Variants in PTP4A2 observed in about 807,000 individuals in gnomAD.
PTP4A2 encodes protein tyrosine phosphatase type IVA 2.
Under a neutral mutation model 22.9 loss-of-function variants are expected in PTP4A2, and 2 were observed. The observed-to-expected ratio is 0.09, with a 90% confidence interval of 0.04 to 0.27. PTP4A2 has a LOEUF of 0.27. PTP4A2 is among the 10% of genes least tolerant of loss of function. The pLI is 1.00. For missense variants in PTP4A2, 103 were observed against 205.1 expected, an observed-to-expected ratio of 0.50 and a Z score of 3.04; for synonymous variants, 68 against 69.1, an observed-to-expected ratio of 0.98 and a Z score of 0.08.
At chr1:31,917,697 C>T (rs1252648480) in intron 2 of PTP4A2, among the ~76,000 whole-genome samples, 1 of 152,184 alleles carries the variant, frequency 6.6e-6, no homozygotes. Flanking sequence ...ATGTTCTGGT[C>T]AGGCACAGTG....
At chr1:31,913,721 C>A in intron 3 of PTP4A2, 1 of 439,682 alleles carries the variant, frequency 2.3e-6, no homozygotes, top group Non-Finnish European at 4.5e-6. Context: ...AATCTTAGGC[C>A]TACCATTATC....
chr1:31,930,498 C>T (rs187970497), intron 1 of PTP4A2, among the ~76,000 whole-genome samples: 20 of 152,290 alleles, frequency 1.3e-4, no homozygotes, highest in African/African-American at 4.6e-4. Flanking sequence ...ATGGACAAGA[C>T]ACAGAATAAA....
At chr1:31,921,182 T>C (rs1652137532) in intron 1 of PTP4A2, among the ~76,000 whole-genome samples, 2 of 152,176 alleles carry the variant, frequency 1.3e-5, no homozygotes, top group Non-Finnish European at 2.9e-5. Context: ...CCCCTTTTCC[T>C]CACAAGTCTT....
intron 1 of PTP4A2, among the ~76,000 whole-genome samples, chr1:31,928,475 G>T (rs1476394410): frequency 6.6e-6 from 1 of 151,434 alleles, no homozygotes; most frequent in South Asian, 2.1e-4. Context: ...CAAGATGGGC[G>T]GATCACCTGA....
At position 31,908,993 on chromosome 1, in the gene PTP4A2, T is replaced by TA. The variant is rs750294219; in HGVS notation, c.396-34dup. 1.3e-5 allele frequency: 19 copies of TA among 1,470,222 alleles called. No individual in the cohort carries two copies. In the Admixed American group the frequency reaches 1.4e-4, roughly 11 times the overall value. 91.1% of individuals were successfully genotyped at this position (1,470,222 alleles called of 1,614,324 possible). A position where few individuals can be genotyped will look rare whatever the true frequency, so the allele number is the denominator to read the frequency against. ...TACAAGAATGGCAAACTTTATCATG[T>TA]AAAAAAAGAGCTGTCTGATTCACTG... On this transcript the variant is annotated intron_variant, in intron 5 of 5. Transcript: ENST00000647444.
intron 1 of PTP4A2, among the ~76,000 whole-genome samples, chr1:31,922,596 TTCTTTCTTTC>T: frequency 1.3e-5 from 1 of 79,226 alleles, no homozygotes; most frequent in East Asian, 5.6e-4. Flanking sequence ...GTTTCTTTCT[TTCTTTCTTTC>T]TTTCTTTCTT....
intron 1 of PTP4A2, among the ~76,000 whole-genome samples, chr1:31,927,977 G>T (rs10914505): frequency 0.25 from 38,314 of 151,290 alleles, 6,517 homozygotes; most frequent in African/African-American, 0.47. Flanking sequence ...TAGTAAACAC[G>T]CATCTTCTGA....
In PTP4A2 at chr1:31,908,954, T is replaced by C; in HGVS notation, c.402A>G (p.Arg134=). 1.2e-6 allele frequency: 2 copies of C among 1,611,398 alleles called. No homozygotes were observed. Among genetic ancestry groups the C allele is most frequent in the Non-Finnish European group, 1.7e-6 (2 of 1,177,978 alleles). ...EDAVQFIRQK[R]RGAFNSKQLL... ...GCTGTTTGGAATTGAACGCTCCCCT[T>C]CTTTTTCTGAAAATACAAGAATGGC... Residue 134 remains arginine, a synonymous_variant, in exon 6 of 6, where the codon AGA becomes AGG. Coordinates refer to ENST00000647444, the MANE Select transcript of PTP4A2 (RefSeq NM_080391.4).
At chr1:31,910,228 A>C (rs1470213361) in intron 4 of PTP4A2, 116 bp from the exon 5 acceptor site, 3 of 708,906 alleles carry the variant, frequency 4.2e-6, no homozygotes, top group Non-Finnish European at 2.4e-6. Flanking sequence ...CCTGTATACT[A>C]AAGTAGCTGG....
intron 1 of PTP4A2, among the ~76,000 whole-genome samples, chr1:31,920,817 C>T (rs536631389): frequency 1.7e-4 from 26 of 152,174 alleles, no homozygotes; most frequent in African/African-American, 2.4e-4. Context: ...GGATTACAGG[C>T]GTGAACTACT....
chr1:31,937,377 A>G (rs1652981512), intron 1 of PTP4A2, among the ~76,000 whole-genome samples: 1 of 151,890 alleles, frequency 6.6e-6, no homozygotes, highest in African/African-American at 2.4e-5. Flanking sequence ...ATGCTCCCGG[A>G]AAGAACTCCC....
At position 31,908,133 on chromosome 1, in the gene PTP4A2, TATTATATTATATATATA is replaced by T. The variant is rs1651290462; in HGVS notation, c.*702_*718del. ...TGGAAAATATATATATATATATATA[TATTATATTATATATATA>T]TATATATATATATATATATATATAT... On this transcript the variant is annotated 3_prime_UTR_variant, in exon 6 of 6. Coordinates refer to ENST00000647444, the MANE Select transcript of PTP4A2 (RefSeq NM_080391.4). 5.7e-3 allele frequency: 2 copies of T among 348 alleles called. No individual in the cohort carries two copies. Among genetic ancestry groups the T allele is most frequent in the Non-Finnish European group, 0.011 (2 of 182 alleles). 0.0% of individuals were successfully genotyped at this position (348 alleles called of 1,614,324 possible).
Position 31,908,876 on chromosome 1 carries a change from G to A in PTP4A2, c.480C>T (p.Thr160=), listed in dbSNP as rs1235488470. The A allele has an allele frequency of 6.2e-7, 1 of 1,613,122 alleles. No homozygotes were observed. The highest frequency in any genetic ancestry group is 1.1e-5 in the South Asian group (1 of 91,048). ...RPKMRLRFRD[T]NGHCCVQ ...TCTACTGAACACAGCAATGCCCATT[G>A]GTATCTCTGAAGCGTAATCGCATCT... The change falls in exon 6 of 6, where the codon ACC becomes ACT. Residue 160 remains threonine, a synonymous_variant. Transcript: ENST00000647444.
rs147795845 is a variant in PTP4A2 at position 31,911,797 on chromosome 1, G to C, written c.219C>G (p.Pro73=). 1.3e-6 allele frequency: 2 copies of C among 1,585,378 alleles called. No individual in the cohort carries two copies. The highest frequency in any genetic ancestry group is 1.9e-5 in the Admixed American group (1 of 51,686). ...ACCAATCATCTACTATCTGATTAGG[G>C]GGTGGAGCTCCATCATCAAATGGCC... ...LDWPFDDGAP[P]PNQIVDDWLN... The change falls in exon 4 of 6, where the codon CCC becomes CCG. Residue 73 remains proline (P), a synonymous_variant. Transcript: ENST00000647444.
chr1:31,919,767 C>T (rs992063943), intron 1 of PTP4A2, 109 bp from the exon 2 acceptor site: 3 of 152,272 alleles, frequency 2.0e-5, no homozygotes, highest in Admixed American at 6.5e-5. Context: ...TGTGAAATGT[C>T]ACCAATTATA....
chr1:31,913,673 A>C, intron 3 of PTP4A2: 1 of 375,518 alleles, frequency 2.7e-6, no homozygotes, highest in Non-Finnish European at 5.2e-6. Context: ...ACAGCTATTT[A>C]AAACAAAACA....
rs1652355609 is a variant in PTP4A2, at chr1:31,924,494, TAAAC to T, written c.-593-4840_-593-4837del. Reference sequence around the variant, plus strand: ...AAAGCAAACAGTGTGTAAAAAATCATAAACAACCTATCACAGCTAGAAAGTACTC... The same window carrying T: ...AAAGCAAACAGTGTGTAAAAAATCATAACCTATCACAGCTAGAAAGTACTC... On this transcript the variant is annotated intron_variant, in intron 1 of 5. Coordinates refer to ENST00000647444, the MANE Select transcript of PTP4A2 (RefSeq NM_080391.4). 3.3e-5 allele frequency among the ~76,000 whole-genome samples: 5 copies of T among 152,202 alleles called. 1 individual carries two copies. The South Asian group carries it at 1.0e-3, about 31-fold the overall frequency.
At chr1:31,909,716 CATTCTTCT>C (rs1394207595) in intron 5 of PTP4A2, among the ~76,000 whole-genome samples, 1 of 151,482 alleles carries the variant, frequency 6.6e-6, no homozygotes, top group South Asian at 2.1e-4. Flanking sequence ...CTCCTCTACA[CATTCTTCT>C]TGCCTCCTCC....
At chr1:31,925,759 CAA>C (rs67546696) in intron 1 of PTP4A2, among the ~76,000 whole-genome samples, 5 of 135,948 alleles carry the variant, frequency 3.7e-5, no homozygotes, top group South Asian at 2.4e-4. Flanking sequence ...GACTCCATCT[CAA>C]AAAAAAAAAA....
Sources: gnomAD v4.1 joint callset for allele counts (sites outside exome capture counted in the v4.1 genomes callset) on GRCh38, gnomAD v4.1.1 for gene constraint, MANE v1.5 for transcripts, NCBI Gene and HGNC (gene_info 2026-07-23, HGNC 2026-07-21) for gene names.